B3GLCT: variants seen among roughly 807,000 people sequenced by gnomAD.
B3GLCT encodes beta 3-glucosyltransferase.
In B3GLCT, 65 loss-of-function variants were observed where a neutral mutation model predicts 63.4. The ratio of observed to expected loss-of-function variants is 1.03; its 90% CI spans 0.84 to 1.26. The LOEUF (loss-of-function observed/expected upper bound fraction) is 1.26. Among genes scored for constraint, B3GLCT ranks in the 50% most tolerant of loss-of-function variants. The pLI is 0.00. For synonymous variants in B3GLCT, 233 were observed against 219.2 expected, an observed-to-expected ratio of 1.06 and a Z score of -0.55; for missense variants, 577 against 604.8, an observed-to-expected ratio of 0.95 and a Z score of 0.48.
At chr13:31,253,618 A>AAAAAAAAAAAAATACAAAC (rs1555249042) in intron 6 of B3GLCT, among the ~76,000 whole-genome samples, 1 of 82,266 alleles carries the variant, frequency 1.2e-5, no homozygotes, top group Non-Finnish European at 2.3e-5. Flanking sequence ...AAAAAAAAAA[A>AAAAAAAAAAAAATACAAAC]AAACTAGAGA....
intron 14 of B3GLCT, among the ~76,000 whole-genome samples, chr13:31,325,834 G>A (rs967825332): frequency 1.3e-5 from 2 of 152,306 alleles, no homozygotes; most frequent in Admixed American, 6.5e-5. Flanking sequence ...GAATCCTGAT[G>A]AGCTAGAGAC....
In B3GLCT at chr13:31,210,185, T is replaced by C. The variant is rs534148422; in HGVS notation, c.71-4866T>C. On this transcript the variant is annotated intron_variant, in intron 1 of 14. Transcript: ENST00000343307. ...AAAGTTATCATGAAAAAGGTCTGAT[T>C]TCTATTGCCTGCCCTGATTTGCACT... is the stretch of plus-strand genomic sequence containing the variant. Among the ~76,000 whole-genome samples the C allele has an allele frequency of 2.0e-5, 3 of 152,322 alleles. No homozygotes were observed. The South Asian group carries it at 6.2e-4, about 32-fold the overall frequency.
intron 8 of B3GLCT, among the ~76,000 whole-genome samples, chr13:31,269,858 A>C (rs564343186): frequency 2.2e-4 from 33 of 152,292 alleles, no homozygotes; most frequent in African/African-American, 7.5e-4. Context: ...CTCACCACTT[A>C]ATCTGCCAGT....
intron 11 of B3GLCT, among the ~76,000 whole-genome samples, chr13:31,286,370 G>A (rs181226911): frequency 1.3e-5 from 2 of 152,292 alleles, no homozygotes; most frequent in East Asian, 3.8e-4. Context: ...ATCTAAGAAA[G>A]GATGCCATTG....
intron 6 of B3GLCT, among the ~76,000 whole-genome samples, chr13:31,249,434 A>G (rs1005316483): frequency 1.3e-5 from 2 of 152,184 alleles, no homozygotes; most frequent in Non-Finnish European, 2.9e-5. Context: ...GCCATGTTTT[A>G]TGCAAACCAT....
chr13:31,233,416 G>A lies in B3GLCT; in HGVS notation c.270+4122G>A, dbSNP rs1389466531. On this transcript the variant is annotated intron_variant, in intron 4 of 14. Coordinates refer to ENST00000343307, the MANE Select transcript of B3GLCT (RefSeq NM_194318.4). ...ACTTAAAGAAGATGGAAATCCTTCA[G>A]TATTGAAACAAAATTAAAAAAAAAA... is the stretch of plus-strand genomic sequence containing the variant. Among the ~76,000 whole-genome samples the A allele has an allele frequency of 5.3e-5, 8 of 152,122 alleles. No homozygotes were observed. The East Asian group carries it at 1.5e-3, about 29-fold the overall frequency.
rs1875954865 is a variant in B3GLCT, at chr13:31,332,088, A to G, written c.*2420A>G. The G allele has an allele frequency of 6.6e-6, 1 of 152,150 alleles. No individual in the cohort carries two copies. The highest frequency in any genetic ancestry group is 2.1e-4 in the South Asian group (1 of 4,826). The allele number at this position is 152,150 out of a possible 1,614,324, so 9.4% of individuals were successfully genotyped here. On this transcript the variant is annotated 3_prime_UTR_variant, in exon 15 of 15. Coordinates refer to ENST00000343307, the MANE Select transcript of B3GLCT (RefSeq NM_194318.4). ...ACAATAATAGCATGCTAAATCACAA[A>G]TGATGCTATGTATGGGTATGTAAAT...
chr13:31,290,919 T>G (rs1873622733), intron 12 of B3GLCT, among the ~76,000 whole-genome samples: 1 of 152,220 alleles, frequency 6.6e-6, no homozygotes, highest in Admixed American at 6.5e-5. Context: ...GAGGTTTTAG[T>G]CACGAAGTCT....
intron 4 of B3GLCT, among the ~76,000 whole-genome samples, chr13:31,239,835 A>G (rs1339387232): frequency 3.9e-5 from 6 of 152,208 alleles, no homozygotes; most frequent in Non-Finnish European, 8.8e-5. Context: ...ATTAAATTGG[A>G]AACAATGAAG....
intron 1 of B3GLCT, among the ~76,000 whole-genome samples, chr13:31,213,040 G>A (rs182353458): frequency 2.0e-4 from 30 of 150,242 alleles, no homozygotes; most frequent in Admixed American, 8.5e-4. Flanking sequence ...GTGTGTGCAC[G>A]CGTGCGCGTG....
At chr13:31,273,994 C>A (rs1872675674) in intron 8 of B3GLCT, among the ~76,000 whole-genome samples, 1 of 152,182 alleles carries the variant, frequency 6.6e-6, no homozygotes, top group South Asian at 2.1e-4. Flanking sequence ...TCAGCTGATA[C>A]CTACTAGGGA....
chr13:31,267,877 G>A (rs1593285726), intron 7 of B3GLCT, among the ~76,000 whole-genome samples: 1 of 150,034 alleles, frequency 6.7e-6, no homozygotes, highest in Admixed American at 6.6e-5. Flanking sequence ...TTTCGAGACA[G>A]GGTCTCTGTT....
rs1043304793 is a variant in B3GLCT, at chr13:31,269,329, C to T, written c.660+52C>T. 5.2e-6 allele frequency: 7 copies of T among 1,345,698 alleles called. No homozygotes were observed. The African/African-American group carries it at 8.6e-5, about 17-fold the overall frequency. The allele number at this position is 1,345,698 out of a possible 1,614,324, so 83.4% of individuals were successfully genotyped here. Reference sequence around the variant, plus strand: ...ATCTTACTAATCAAGAATTCATGTCCTTTGATGTAAAAGGTATTTTGCATT... The same window carrying T: ...ATCTTACTAATCAAGAATTCATGTCTTTTGATGTAAAAGGTATTTTGCATT... On this transcript the variant is annotated intron_variant, in intron 8 of 14. Coordinates refer to ENST00000343307, the MANE Select transcript of B3GLCT (RefSeq NM_194318.4).
At chr13:31,246,661 T>C (rs181591598) in intron 4 of B3GLCT, among the ~76,000 whole-genome samples, 1 of 133,848 alleles carries the variant, frequency 7.5e-6, no homozygotes, top group African/African-American at 2.5e-5. Flanking sequence ...TGCCTCTGAG[T>C]TATCCCTGAC....
At chr13:31,291,442 A>T (rs1706344649) in intron 12 of B3GLCT, among the ~76,000 whole-genome samples, 1 of 152,122 alleles carries the variant, frequency 6.6e-6, no homozygotes, top group Admixed American at 6.5e-5. Context: ...CACAATACTG[A>T]TTCTTCCTAT....
chr13:31,225,162 G>A (rs970716580), intron 3 of B3GLCT, among the ~76,000 whole-genome samples: 1 of 152,174 alleles, frequency 6.6e-6, no homozygotes, highest in Admixed American at 6.5e-5. Flanking sequence ...TTAGTGTGCG[G>A]CCCATTTATT....
At chr13:31,315,212 A>T (rs2137930492) in intron 12 of B3GLCT, among the ~76,000 whole-genome samples, 1 of 152,356 alleles carries the variant, frequency 6.6e-6, no homozygotes, top group South Asian at 2.1e-4. Flanking sequence ...GGAACTGGGT[A>T]ACAGGCAGAG....
At chr13:31,274,713 A>T in intron 9 of B3GLCT, 85 bp downstream of exon 9, 1 of 1,533,424 alleles carries the variant, frequency 6.5e-7, no homozygotes, top group Non-Finnish European at 9.0e-7. Context: ...CTTTAAAATG[A>T]ATTTTAAATT....
chr13:31,302,035 A>T (rs1874246614), intron 12 of B3GLCT, among the ~76,000 whole-genome samples: 1 of 152,154 alleles, frequency 6.6e-6, no homozygotes, highest in Non-Finnish European at 1.5e-5. Context: ...CAAACCATTT[A>T]AAAATTTCCA....
Sources: gnomAD v4.1 joint callset for allele counts (sites outside exome capture counted in the v4.1 genomes callset) on GRCh38, gnomAD v4.1.1 for gene constraint, MANE v1.5 for transcripts, NCBI Gene and HGNC (gene_info 2026-07-23, HGNC 2026-07-21) for gene names.